Variants in GALNT17 observed in about 807,000 individuals in gnomAD.
GALNT17 encodes polypeptide N-acetylgalactosaminyltransferase 17, also known as UDP-GalNAc:polypeptide N-acetylgalactosaminyltransferase-like 3.
In GALNT17, 29 loss-of-function variants were observed where a neutral mutation model predicts 63.7. The ratio of observed to expected loss-of-function variants is 0.46; its 90% CI spans 0.34 to 0.62. The LOEUF is 0.62. Among genes scored for constraint, GALNT17 ranks in the 20% least tolerant of loss-of-function variants. The pLI, the probability that GALNT17 is intolerant of heterozygous loss-of-function variation, is 0.01. For missense variants in GALNT17, 603 were observed against 799.6 expected (o/e 0.75, Z 2.97); for synonymous variants, 305 against 318.3 (o/e 0.96, Z 0.45).
chr7:71,388,816 C>T (rs1032293284), intron 3 of GALNT17, among the ~76,000 whole-genome samples: 2 of 152,086 alleles, frequency 1.3e-5, no homozygotes, highest in African/African-American at 2.4e-5. Context: ...AGTGTGCCAC[C>T]GTGCCCGGCC....
chr7:71,541,904 C>A (rs1287272798), intron 5 of GALNT17, among the ~76,000 whole-genome samples: 1 of 152,186 alleles, frequency 6.6e-6, no homozygotes, highest in Admixed American at 6.5e-5. Context: ...GGAATACACA[C>A]ACAGGGAGGC....
At chr7:71,489,811 C>A (rs908665095) in intron 5 of GALNT17, among the ~76,000 whole-genome samples, 1 of 152,238 alleles carries the variant, frequency 6.6e-6, no homozygotes, top group Non-Finnish European at 1.5e-5. Context: ...GTTCATTTAA[C>A]CCCAAATTCA....
At chr7:71,185,052 T>C (rs964545512) in intron 1 of GALNT17, among the ~76,000 whole-genome samples, 1 of 123,274 alleles carries the variant, frequency 8.1e-6, no homozygotes, top group African/African-American at 3.6e-5. Flanking sequence ...CTCCCCCTCC[T>C]CCTCCTCCTT....
intron 1 of GALNT17, among the ~76,000 whole-genome samples, chr7:71,180,351 T>C (rs749395863): frequency 3.9e-5 from 6 of 152,240 alleles, no homozygotes; most frequent in African/African-American, 1.2e-4. Context: ...CTCAAACTCC[T>C]GAGCTCAGGA....
In GALNT17 at chr7:71,355,648, T is replaced by G. The variant is rs182675013; in HGVS notation, c.422+19915T>G. On this transcript the variant is annotated intron_variant, in intron 2 of 10. Coordinates refer to ENST00000333538, the MANE Select transcript of GALNT17 (RefSeq NM_022479.3). Reference sequence around the variant, plus strand: ...CCCAGGTTCAAGCAATTCTCCTGCCTCAGCCTTCCGAGTAGCTGGATTCAC... The same window carrying G: ...CCCAGGTTCAAGCAATTCTCCTGCCGCAGCCTTCCGAGTAGCTGGATTCAC... Among the ~76,000 whole-genome samples, 225 of 152,084 alleles carry G rather than the reference T, an allele frequency of 1.5e-3. 2 individuals are homozygous for G. The highest frequency in any genetic ancestry group is 5.3e-3 in the African/African-American group (218 of 41,496).
At chr7:71,660,287 G>A (rs1461689264) in intron 6 of GALNT17, among the ~76,000 whole-genome samples, 3 of 152,234 alleles carry the variant, frequency 2.0e-5, no homozygotes, top group Middle Eastern at 3.4e-3. Flanking sequence ...TTTGCCTCCA[G>A]GACTGGTCCC....
At chr7:71,711,808 TTC>T (rs551496401) in intron 10 of GALNT17, among the ~76,000 whole-genome samples, 23 of 151,538 alleles carry the variant, frequency 1.5e-4, no homozygotes, top group African/African-American at 4.4e-4. Context: ...TGTCTCTATC[TTC>T]TCTCTTTCTC....
chr7:71,211,478 C>G (rs1203263254), intron 1 of GALNT17, among the ~76,000 whole-genome samples: 5 of 152,192 alleles, frequency 3.3e-5, no homozygotes, highest in African/African-American at 1.2e-4. Flanking sequence ...AGCATGAAAA[C>G]AGACGAATAC....
At chr7:71,701,743 GTATATATATGTATATATA>G (rs1562742192) in intron 9 of GALNT17, among the ~76,000 whole-genome samples, 19 of 20,506 alleles carry the variant, frequency 9.3e-4, no homozygotes, top group African/African-American at 2.1e-3. Flanking sequence ...ATATATATGT[GTATATATATGTATATATA>G]TGTGTATATA....
chr7:71,208,583 T>C (rs62457787), intron 1 of GALNT17, among the ~76,000 whole-genome samples: 3,151 of 151,822 alleles, frequency 0.021, 47 homozygotes, highest in Non-Finnish European at 0.035. Flanking sequence ...CCAGGGTAGC[T>C]GGGACTACAG....
intron 5 of GALNT17, among the ~76,000 whole-genome samples, chr7:71,532,952 T>C (rs1421924071): frequency 6.6e-6 from 1 of 151,990 alleles, no homozygotes; most frequent in Admixed American, 6.6e-5. Flanking sequence ...CTGGGGAGAG[T>C]GTGTGCCCCA....
intron 5 of GALNT17, among the ~76,000 whole-genome samples, chr7:71,546,027 A>G (rs548325759): frequency 6.6e-6 from 1 of 152,270 alleles, no homozygotes; most frequent in South Asian, 2.1e-4. Flanking sequence ...TGGGAGGCCA[A>G]GGCAGGAGGA....
At chr7:71,593,384 G>A (rs936153622) in intron 6 of GALNT17, among the ~76,000 whole-genome samples, 1 of 147,094 alleles carries the variant, frequency 6.8e-6, no homozygotes, top group Non-Finnish European at 1.5e-5. Flanking sequence ...TCCTGCCTCA[G>A]CCTCTCGAAT....
rs545114080 is a variant in GALNT17, at chr7:71,491,514, C to T, written c.962+70409C>T. Among the ~76,000 whole-genome samples the T allele has an allele frequency of 5.3e-5, 8 of 152,160 alleles. No individual in the cohort carries two copies. In the South Asian group the frequency reaches 1.7e-3, roughly 32 times the overall value. On this transcript the variant is annotated intron_variant, in intron 5 of 10. Coordinates refer to ENST00000333538, the MANE Select transcript of GALNT17 (RefSeq NM_022479.3). ...AGGAAGATTTAAGGCAGCTGCAGAC[C>T]CCGGTAAATTAATCCACTATCTGTG... is the stretch of plus-strand genomic sequence containing the variant.
At chr7:71,605,777 A>G (rs1235478677) in intron 6 of GALNT17, among the ~76,000 whole-genome samples, 1 of 152,192 alleles carries the variant, frequency 6.6e-6, no homozygotes, top group African/African-American at 2.4e-5. Context: ...GAGAGAGAAT[A>G]CATAGGAAAC....
intron 5 of GALNT17, among the ~76,000 whole-genome samples, chr7:71,525,501 C>T (rs141327291): frequency 1.5e-4 from 23 of 152,038 alleles, no homozygotes; most frequent in African/African-American, 4.6e-4. Context: ...CCACCGCACC[C>T]GGCCAACTGT....
At chr7:71,594,020 T>C (rs1175031420) in intron 6 of GALNT17, among the ~76,000 whole-genome samples, 1 of 2,480 alleles carries the variant, frequency 4.0e-4, no homozygotes, top group East Asian at 0.011. Context: ...TGAAAAGCTA[T>C]CATTTTTTTT....
intron 3 of GALNT17, among the ~76,000 whole-genome samples, chr7:71,413,231 C>T (rs1269981204): frequency 6.6e-6 from 1 of 152,112 alleles, no homozygotes; most frequent in Non-Finnish European, 1.5e-5. Flanking sequence ...CAACTTTTTC[C>T]GTTAATGCTC....
chr7:71,504,120 C>T (rs1242035609), intron 5 of GALNT17, among the ~76,000 whole-genome samples: 2 of 151,190 alleles, frequency 1.3e-5, no homozygotes, highest in Admixed American at 6.6e-5. Flanking sequence ...CCCAGCTACT[C>T]GGGAGGCTGA....
Sources: allele counts gnomAD v4.1 joint callset (sites outside exome capture counted in the v4.1 genomes callset), GRCh38; gene constraint gnomAD v4.1.1; transcripts MANE v1.5; gene names NCBI Gene and HGNC (gene_info 2026-07-23, HGNC 2026-07-21).